Variants in ZIC3 observed in about 807,000 individuals in gnomAD.
ZIC3 encodes Zic family zinc finger 3.
Under a neutral mutation model 18.3 loss-of-function variants are expected in ZIC3, and 6 were observed. The observed-to-expected ratio is 0.33, with a 90% confidence interval of 0.18 to 0.65. ZIC3 has a LOEUF of 0.65. Ranked by LOEUF, ZIC3 falls within the 30% of genes least tolerant of loss-of-function variation. The probability of loss-of-function intolerance (pLI) is 0.75; values close to 1 mark genes in which losing one functional copy is unlikely to be tolerated. For missense variants in ZIC3, 260 were observed against 410.0 expected, an observed-to-expected ratio of 0.63 and a Z score of 3.16; for synonymous variants, 175 against 177.0, an observed-to-expected ratio of 0.99 and a Z score of 0.09.
In ZIC3 at chrX:137,567,225, C is replaced by G. The variant is rs776785233; in HGVS notation, c.534C>G (p.His178Gln). Residue 178 changes from histidine to glutamine, a missense_variant, in exon 1 of 3, where the codon CAC (histidine) becomes CAG (glutamine). His to Gln is a conservative substitution (Grantham distance 24). This residue lies in a region of ZIC3 where 183 missense variants were observed against 223.8 expected (regional missense o/e 0.82). Coordinates refer to ENST00000287538, the MANE Select transcript of ZIC3 (RefSeq NM_003413.4). ...CTGGGCACCCGTCGCCCACAGGGCA[C>G]GTGGACAACAACCAGGTCCACCTGG... ...QGAGHPSPTG[H>Q]VDNNQVHLGL... 8.3e-7 allele frequency: 1 copy of G among 1,210,566 alleles called. No homozygotes were observed. Among genetic ancestry groups the G allele is most frequent in the Non-Finnish European group, 1.1e-6 (1 of 895,078 alleles).
rs909760280 is a variant in ZIC3 at position 137,566,434 on chromosome X, T to TTTCTCCTCCC, written c.-246_-237dup. 7.4e-6 allele frequency: 3 copies of TTTCTCCTCCC among 407,050 alleles called. No individual in the cohort carries two copies. Among genetic ancestry groups the TTTCTCCTCCC allele is most frequent in the East Asian group, 8.6e-5 (2 of 23,330 alleles). 33.5% of individuals were successfully genotyped at this position (407,050 alleles called of 1,213,427 possible). A position where few individuals can be genotyped will look rare whatever the true frequency, so the allele number is the denominator to read the frequency against. ...GTTAAACCAGATCTAGTCCGAGTCT[T>TTTCTCCTCCC]TTCTCCTCCCTTCTCCTCCCTCCTC... On this transcript the variant is annotated 5_prime_UTR_variant, in exon 1 of 3. Transcript: ENST00000287538.
downstream of ZIC3, chrX:137,573,672 A>G (rs1931470988): frequency 8.9e-6 from 1 of 112,611 alleles, no homozygotes; most frequent in South Asian, 3.6e-4. Context: ...CTGAAAAGAG[A>G]GGTTATCTTG....
Position 137,567,752 on chromosome X carries a change from G to A in ZIC3, c.1060+1G>A, listed in dbSNP as rs2124184415. 1 of 1,211,975 alleles carries A rather than the reference G, an allele frequency of 8.3e-7. No individual in the cohort carries two copies. Among genetic ancestry groups the A allele is most frequent in the Non-Finnish European group, 1.1e-6 (1 of 895,681 alleles). ...AAGATCCACAAGAGGACCCACACAG[G>A]TAAGGGAAAAAAGCAGGCGGGCGTG... On this transcript the variant is annotated splice_donor_variant, in intron 1 of 2. Transcript: ENST00000287538. LOFTEE classifies it high-confidence loss of function.
chrX:137,566,695 A>G lies in ZIC3; in HGVS notation c.4A>G (p.Thr2Ala). 2.5e-6 allele frequency: 3 copies of G among 1,200,683 alleles called. No homozygotes were observed. The highest frequency in any genetic ancestry group is 2.2e-6 in the Non-Finnish European group (2 of 891,159). Residue 2 changes from threonine (T) to alanine (A), a missense_variant, in exon 1 of 3, where the codon ACG (threonine) becomes GCG (alanine). Coordinates refer to ENST00000287538, the MANE Select transcript of ZIC3 (RefSeq NM_003413.4). Reference protein sequence around the residue: MTMLLDGGPQFP... With the variant: MAMLLDGGPQFP... ...CTGTGCCCAGAACGTCCCACCCATGACGATGCTCCTGGACGGAGGCCCGCA... is the reference window on the plus strand; with the variant it reads ...CTGTGCCCAGAACGTCCCACCCATGGCGATGCTCCTGGACGGAGGCCCGCA...
rs200655438 is a variant in ZIC3, at chrX:137,567,330, C to A, written c.639C>A (p.Gly213=). Residue 213 remains glycine, a synonymous_variant, in exon 1 of 3, where the codon GGC becomes GGA. Coordinates refer to ENST00000287538, the MANE Select transcript of ZIC3 (RefSeq NM_003413.4). ...ASPRTDPYAA[G]AQFPNYSPMN... is the part of the protein sequence containing the mutation. ...CGCGCACGGACCCCTACGCGGCCGGCGCTCAGTTTCCTAACTACAGCCCCA... is the reference window on the plus strand; with the variant it reads ...CGCGCACGGACCCCTACGCGGCCGGAGCTCAGTTTCCTAACTACAGCCCCA... 1 of 1,210,000 alleles carries A rather than the reference C, an allele frequency of 8.3e-7. No homozygotes were observed. Among genetic ancestry groups the A allele is most frequent in the East Asian group, 3.0e-5 (1 of 33,730 alleles).
downstream of ZIC3, among the ~76,000 whole-genome samples, chrX:137,575,305 C>T (rs1931501330): frequency 8.9e-6 from 1 of 111,856 alleles, no homozygotes; most frequent in Non-Finnish European, 1.9e-5. Flanking sequence ...CTCATTTAAA[C>T]GTGAGCCTAT....
chrX:137,569,679 G>T, intron 2 of ZIC3, among the ~76,000 whole-genome samples: 1 of 112,066 alleles, frequency 8.9e-6, no homozygotes, highest in Middle Eastern at 4.7e-3. Context: ...TTCCTTTTCC[G>T]TAACACCAGT....
chrX:137,571,780 C>A lies in ZIC3; in HGVS notation c.*1710C>A, dbSNP rs763259751. 8.9e-6 allele frequency among the ~76,000 whole-genome samples: 1 copy of A among 112,085 alleles called. No individual in the cohort carries two copies. The highest frequency in any genetic ancestry group is 3.2e-5 in the African/African-American group (1 of 30,901). On this transcript the variant is annotated 3_prime_UTR_variant, in exon 3 of 3. Coordinates refer to ENST00000287538, the MANE Select transcript of ZIC3 (RefSeq NM_003413.4). ...AAGCAACTCATTTGGACAAACAGTT[C>A]TTTTACAGTGGTTATATGGAAAAGA...
downstream of ZIC3, among the ~76,000 whole-genome samples, chrX:137,575,789 C>G (rs1256191481): frequency 8.9e-6 from 1 of 111,829 alleles, no homozygotes; most frequent in Non-Finnish European, 1.9e-5. Context: ...GGGGGGAAAT[C>G]TGCAAAACAG....
Position 137,567,499 on chromosome X carries a change from C to T in ZIC3, c.808C>T (p.Arg270Trp). The T allele has an allele frequency of 8.2e-7, 1 of 1,212,122 alleles. No individual in the cohort carries two copies. The highest frequency in any genetic ancestry group is 1.1e-6 in the Non-Finnish European group (1 of 895,619). Residue 270 changes from arginine (R) to tryptophan (W), a missense_variant, in exon 1 of 3, where the codon CGG (arginine) becomes TGG (tryptophan). This residue lies in a region of ZIC3 where 25 missense variants were observed against 58.6 expected (regional missense o/e 0.43). Transcript: ENST00000287538. ...QLSRPKKSCD[R>W]TFSTMHELVT... Reference sequence around the variant, plus strand: ...GAGCCGGCCCAAGAAGAGCTGCGACCGGACCTTCAGCACCATGCATGAGCT... The same window carrying T: ...GAGCCGGCCCAAGAAGAGCTGCGACTGGACCTTCAGCACCATGCATGAGCT...
At position 137,571,271 on chromosome X, in the gene ZIC3, G is replaced by A. The variant is rs1051906120; in HGVS notation, c.*1201G>A. On this transcript the variant is annotated 3_prime_UTR_variant, in exon 3 of 3. Transcript: ENST00000287538. ...TACCTTACATAAAAATGAAAATTGC[G>A]GCAGGATGCATGTCTGTCTGTTCTA... The A allele has an allele frequency of 4.5e-5, 5 of 111,518 alleles. 1 individual carries two copies. The highest frequency in any genetic ancestry group is 9.3e-3 in the Middle Eastern group (2 of 214). The allele number at this position is 111,518 out of a possible 1,213,427, so 9.2% of individuals were successfully genotyped here. A position where few individuals can be genotyped will look rare whatever the true frequency, so the allele number is the denominator to read the frequency against.
At chrX:137,577,599 A>G (rs1931528330) in exon 3 of ZIC3, 1 of 129,627 alleles carries the variant, frequency 7.7e-6, no homozygotes, top group African/African-American at 3.1e-5. Flanking sequence ...AGAAACATGA[A>G]TTGTTGTTTT....
chrX:137,577,295 C>A, exon 3 of ZIC3: 1 of 502,008 alleles, frequency 2.0e-6, no homozygotes, highest in Non-Finnish European at 3.6e-6. Context: ...AAAACCACAT[C>A]AATTTGGATG....
chrX:137,576,591 A>G, downstream of ZIC3, among the ~76,000 whole-genome samples: 1 of 112,484 alleles, frequency 8.9e-6, no homozygotes, highest in Admixed American at 9.4e-5. Context: ...TAACCATTGA[A>G]ATTTACAGCT....
chrX:137,572,594 A>G (rs1255463894), downstream of ZIC3, among the ~76,000 whole-genome samples: 1 of 112,165 alleles, frequency 8.9e-6, no homozygotes, highest in Non-Finnish European at 1.9e-5. Flanking sequence ...TTCCATTGTG[A>G]AATCTAAATA....
intron 1 of ZIC3, among the ~76,000 whole-genome samples, chrX:137,568,335 GATCGATCTATCTATCT>G (rs1287120030): frequency 4.1e-4 from 29 of 70,266 alleles, no homozygotes; most frequent in East Asian, 2.9e-3. Context: ...CCCCTGGATC[GATCGATCTATCTATCT>G]ATCTATCTAT....
In ZIC3 at chrX:137,571,702, A is replaced by G. The variant is rs1471490136; in HGVS notation, c.*1632A>G. 8.9e-6 allele frequency: 1 copy of G among 112,952 alleles called. No homozygotes were observed. Among genetic ancestry groups the G allele is most frequent in the Non-Finnish European group, 1.9e-5 (1 of 53,347 alleles). 9.3% of individuals were successfully genotyped at this position (112,952 alleles called of 1,213,427 possible). ...TTCCATTAAAATCAATAACAATGAA[A>G]AACGGTTGTTTGCTTTGTGATAAAA... On this transcript the variant is annotated 3_prime_UTR_variant, in exon 3 of 3. Coordinates refer to ENST00000287538, the MANE Select transcript of ZIC3 (RefSeq NM_003413.4).
In ZIC3 at chrX:137,567,373, G is replaced by C; in HGVS notation, c.682G>C (p.Val228Leu). 1 of 1,211,715 alleles carries C rather than the reference G, an allele frequency of 8.3e-7. No homozygotes were observed. The highest frequency in any genetic ancestry group is 1.1e-6 in the Non-Finnish European group (1 of 895,601). The change falls in exon 1 of 3, where the codon GTG becomes CTG. Residue 228 changes from valine (V) to leucine (L), a missense_variant. By Grantham distance (32) the Val-to-Leu change is conservative. Around this residue, in one of 4 missense-constraint regions of ZIC3, gnomAD observed 183 missense variants for 223.8 expected, o/e 0.82. Coordinates refer to ENST00000287538, the MANE Select transcript of ZIC3 (RefSeq NM_003413.4). ...CAGCCCCATGAACATGAACATGGGAGTGAACGTGGCGGCCCACCACGGGCC... is the reference window on the plus strand; with the variant it reads ...CAGCCCCATGAACATGAACATGGGACTGAACGTGGCGGCCCACCACGGGCC... The part of the protein sequence containing the change: ...NYSPMNMNMG[V>L]NVAAHHGPGA...
rs777619649 is a variant in ZIC3 at position 137,566,787 on chromosome X, G to C, written c.96G>C (p.Pro32=). Residue 32 remains proline (P), a synonymous_variant, in exon 1 of 3, where the codon CCG becomes CCC. Coordinates refer to ENST00000287538, the MANE Select transcript of ZIC3 (RefSeq NM_003413.4). Reference sequence around the variant, plus strand: ...ACCACGAGATGCCCAACCGTGAGCCGGCAGGCATGGGGCTGAATCCCTTCG... The same window carrying C: ...ACCACGAGATGCCCAACCGTGAGCCCGCAGGCATGGGGCTGAATCCCTTCG... ...PRHHEMPNRE[P]AGMGLNPFGD... is the part of the protein sequence containing the mutation. The C allele has an allele frequency of 3.4e-6, 4 of 1,179,755 alleles. No individual in the cohort carries two copies. The highest frequency in any genetic ancestry group is 2.4e-5 in the Admixed American group (1 of 41,700).
Sources: allele counts gnomAD v4.1 joint callset (sites outside exome capture counted in the v4.1 genomes callset), GRCh38; gene constraint gnomAD v4.1.1; regional missense constraint gnomAD v4.1.1; transcripts MANE v1.5; gene names NCBI Gene and HGNC (gene_info 2026-07-23, HGNC 2026-07-21).